The following HMCN2 variants were observed in gnomAD, a reference collection of about 807,000 sequenced individuals.
HMCN2 encodes the protein hemicentin 2.
Under a neutral mutation model 377.5 loss-of-function variants are expected in HMCN2, and 325 were observed. The observed-to-expected ratio is 0.86, with a 90% CI of 0.79 to 0.94. The LOEUF (loss-of-function observed/expected upper bound fraction) is 0.94, where lower values mean the gene tolerates loss of function less well. Among genes scored for constraint, HMCN2 ranks in the 40% least tolerant of loss-of-function variants. HMCN2 has a pLI of 0.00. For missense variants in HMCN2, 4,543 were observed against 4,725.3 expected, an observed-to-expected ratio of 0.96 and a Z score of 1.13; for synonymous variants, 2,007 against 2,046.8, an observed-to-expected ratio of 0.98 and a Z score of 0.53.
rs1842515372 is a variant in HMCN2 at position 130,394,717 on chromosome 9, C to T, written c.10692+142C>T. 4.4e-6 allele frequency: 3 copies of T among 686,460 alleles called. No individual in the cohort carries two copies. The Admixed American group carries it at 1.1e-4, about 25-fold the overall frequency. 42.5% of individuals were successfully genotyped at this position (686,460 alleles called of 1,614,324 possible). A position where few individuals can be genotyped will look rare whatever the true frequency, so the allele number is the denominator to read the frequency against. ...GGGGTGTGAGGGTGTGGAGGTGACC[C>T]ACCTTGGCCGTGCCCTTGGGAGCTG... On this transcript the variant is annotated intron_variant, in intron 69 of 97. Transcript: ENST00000683500. This position sits in a 1 kb window ranked among gnomAD's most constrained non-coding sequence, Gnocchi z 5.1.
At chr9:130,384,836 C>T (rs1204549082) in intron 59 of HMCN2, 38 bp downstream of exon 59, 1 of 1,213,778 alleles carries the variant, frequency 8.2e-7, no homozygotes, top group Non-Finnish European at 1.1e-6. Context: ...ACTGTCCCCA[C>T]TCCTTCAGTC....
At chr9:130,299,987 CTACCCATTCATGCATCCATCCACT>C (rs1564761992) in intron 8 of HMCN2, among the ~76,000 whole-genome samples, 2 of 151,322 alleles carry the variant, frequency 1.3e-5, no homozygotes, top group East Asian at 4.0e-4. Flanking sequence ...ACCCACCCAT[CTACCCATTCATGCATCCATCCACT>C]TACCCATTCA....
At chr9:130,326,977 C>G (rs1029000242) in intron 21 of HMCN2, among the ~76,000 whole-genome samples, 1 of 151,990 alleles carries the variant, frequency 6.6e-6, no homozygotes, top group Admixed American at 6.5e-5. Context: ...AGTTCAGAGC[C>G]TTTCAGAATG....
rs567848740 is a variant in HMCN2 at position 130,414,542 on chromosome 9, G to A, written c.12961+3890G>A. Among the ~76,000 whole-genome samples the A allele has an allele frequency of 1.5e-4, 23 of 151,800 alleles. 1 individual carries two copies. In the South Asian group the frequency reaches 4.8e-3, roughly 32 times the overall value. On this transcript the variant is annotated intron_variant, in intron 85 of 97. Coordinates refer to ENST00000683500, the MANE Select transcript of HMCN2 (RefSeq NM_001291815.2). This position sits in a 1 kb window ranked among gnomAD's most constrained non-coding sequence, Gnocchi z 4.4. Reference sequence around the variant, plus strand: ...AGCTCAACTTACACACCAGGAACAAGGAAAATCTCAATGAAAGCAGACAAC... The same window carrying A: ...AGCTCAACTTACACACCAGGAACAAAGAAAATCTCAATGAAAGCAGACAAC...
In HMCN2 at chr9:130,360,356, CCTTA is replaced by C; in HGVS notation, c.5774-68_5774-65del. 1.1e-6 allele frequency: 1 copy of C among 904,898 alleles called. No homozygotes were observed. The allele number at this position is 904,898 out of a possible 1,614,324, so 56.1% of individuals were successfully genotyped here. On this transcript the variant is annotated intron_variant, in intron 37 of 97. Coordinates refer to ENST00000683500, the MANE Select transcript of HMCN2 (RefSeq NM_001291815.2). This position sits in a 1 kb window ranked among gnomAD's most constrained non-coding sequence, Gnocchi z 4.7. Reference sequence around the variant, plus strand: ...CCCCTTGCATCTCTCTTCCTTTCCCCCTTACTTCTCTCTTCCATTCCCCCTTGCT... The same window carrying C: ...CCCCTTGCATCTCTCTTCCTTTCCCCCTTCTCTCTTCCATTCCCCCTTGCT...
Position 130,403,185 on chromosome 9 carries a change from C to A in HMCN2, c.11879-9C>A, listed in dbSNP as rs1301875798. On this transcript the variant is annotated splice_polypyrimidine_tract_variant and intron_variant, in intron 78 of 97. Transcript: ENST00000683500. ...TTCTCAGGGCCCTCTGCACCCCCGTCCTTTGTAGCCTCCCCGGTGGTGAAG... is the reference window on the plus strand; with the variant it reads ...TTCTCAGGGCCCTCTGCACCCCCGTACTTTGTAGCCTCCCCGGTGGTGAAG... 4 of 1,287,920 alleles carry A rather than the reference C, an allele frequency of 3.1e-6. No individual in the cohort carries two copies. Among genetic ancestry groups the A allele is most frequent in the Non-Finnish European group, 4.0e-6 (4 of 987,696 alleles). 79.8% of individuals were successfully genotyped at this position (1,287,920 alleles called of 1,614,324 possible). A position where few individuals can be genotyped will look rare whatever the true frequency, so the allele number is the denominator to read the frequency against.
intron 92 of HMCN2, 45 bp downstream of exon 92, chr9:130,427,664 C>T (rs1328202335): frequency 6.5e-7 from 1 of 1,527,940 alleles, no homozygotes; most frequent in Non-Finnish European, 8.8e-7. Context: ...CTCCTCAGAC[C>T]TGACCCAGGT....
At position 130,384,530 on chromosome 9, in the gene HMCN2, G is replaced by C; in HGVS notation, c.8988G>C (p.Leu2996=). The C allele has an allele frequency of 6.1e-6, 8 of 1,304,274 alleles. No individual in the cohort carries two copies. The highest frequency in any genetic ancestry group is 8.1e-6 in the Non-Finnish European group (8 of 988,956). 80.8% of individuals were successfully genotyped at this position (1,304,274 alleles called of 1,614,324 possible). A position where few individuals can be genotyped will look rare whatever the true frequency, so the allele number is the denominator to read the frequency against. ...ALSLGEEVFL[L]PGTHTLQLGR... is the part of the protein sequence containing the mutation. ...CCCTGGGTGAAGAGGTCTTCCTCCTGCCTGGTGGGTAAACTGAGGTGTCCG... is the reference window on the plus strand; with the variant it reads ...CCCTGGGTGAAGAGGTCTTCCTCCTCCCTGGTGGGTAAACTGAGGTGTCCG... Residue 2996 remains leucine (L), a synonymous_variant, in exon 58 of 98, where the codon CTG becomes CTC. Coordinates refer to ENST00000683500, the MANE Select transcript of HMCN2 (RefSeq NM_001291815.2).
chr9:130,344,778 TGTGTGTATG>T (rs1170152038), intron 25 of HMCN2, among the ~76,000 whole-genome samples: 1 of 149,248 alleles, frequency 6.7e-6, no homozygotes, highest in African/African-American at 2.5e-5. Context: ...GCATGGTGTT[TGTGTGTATG>T]GTGTGTAGCA....
At position 130,419,021 on chromosome 9, in the gene HMCN2, G is replaced by A. The variant is rs550921719; in HGVS notation, c.13211G>A (p.Arg4404Gln). 2.8e-5 allele frequency: 41 copies of A among 1,490,390 alleles called. No homozygotes were observed. The East Asian group carries it at 9.5e-4, about 34-fold the overall frequency. 92.3% of individuals were successfully genotyped at this position (1,490,390 alleles called of 1,614,324 possible). A position where few individuals can be genotyped will look rare whatever the true frequency, so the allele number is the denominator to read the frequency against. Residue 4404 changes from arginine to glutamine, a missense_variant, in exon 86 of 98, where the codon CGG (arginine) becomes CAG (glutamine). Arg to Gln is a conservative substitution (Grantham distance 43, BLOSUM62 1). Coordinates refer to ENST00000683500, the MANE Select transcript of HMCN2 (RefSeq NM_001291815.2). ...AHNLLGSATA[R>Q]AFLVVRGEPQ... The stretch of plus-strand genomic sequence containing the variant: ...AACCTCCTGGGCTCTGCCACAGCCC[G>A]GGCGTTCCTGGTCGTGAGAGGTATG...
At chr9:130,349,888 C>CTTTTTTTT in intron 29 of HMCN2, among the ~76,000 whole-genome samples, 1 of 91,306 alleles carries the variant, frequency 1.1e-5, no homozygotes. Context: ...TTAGCCTTTC[C>CTTTTTTTT]TTTTTTTTTT....
At chr9:130,374,848 C>T (rs1481455141) in intron 49 of HMCN2, among the ~76,000 whole-genome samples, 155 bp downstream of exon 49, 7 of 152,202 alleles carry the variant, frequency 4.6e-5, no homozygotes, top group Admixed American at 6.5e-5. Context: ...ACTCTATTGA[C>T]GGAACATTTA....
chr9:130,296,748 T>C lies in HMCN2; in HGVS notation c.966T>C (p.Thr322=). Residue 322 remains threonine (T), a synonymous_variant, in exon 7 of 98, where the codon ACT becomes ACC. Transcript: ENST00000683500. ...TTGACTTCCGAGCCGGCTTCTCCAC[T>C]CAGCCCTTGCTGGACCTCAACCACA... ...SNIDFRAGFS[T]QPLLDLNHTL... 2.1e-6 allele frequency: 1 copy of C among 471,162 alleles called. No individual in the cohort carries two copies. The highest frequency in any genetic ancestry group is 4.4e-6 in the Non-Finnish European group (1 of 227,046). 29.2% of individuals were successfully genotyped at this position (471,162 alleles called of 1,614,324 possible).
rs966464628 is a variant in HMCN2, at chr9:130,379,254, C to T, written c.8218C>T (p.Pro2740Ser). Residue 2740 changes from proline to serine, a missense_variant, in exon 54 of 98, where the codon CCC becomes TCC. Physicochemically the swap from Pro to Ser is moderately conservative, Grantham distance 74. Coordinates refer to ENST00000683500, the MANE Select transcript of HMCN2 (RefSeq NM_001291815.2). ...QDFNVLIQVP[P>S]MFQKVGDFSA... ...GCTTTGTCTCCCCCACCCAGTGCCC[C>T]CCATGTTCCAGAAGGTGGGTGATTT... The T allele has an allele frequency of 8.1e-6, 8 of 985,556 alleles. No individual in the cohort carries two copies. Among genetic ancestry groups the T allele is most frequent in the African/African-American group, 1.7e-5 (1 of 57,180 alleles). The allele number at this position is 985,556 out of a possible 1,614,324, so 61.1% of individuals were successfully genotyped here. A position where few individuals can be genotyped will look rare whatever the true frequency, so the allele number is the denominator to read the frequency against.
At chr9:130,378,902 T>C (rs1841545821) in intron 53 of HMCN2, among the ~76,000 whole-genome samples, 3 of 152,148 alleles carry the variant, frequency 2.0e-5, no homozygotes, top group Non-Finnish European at 2.9e-5. Flanking sequence ...CCTCCATTTC[T>C]AAAGCTGATG....
At chr9:130,433,193 G>A (rs1844866407) in intron 97 of HMCN2, 155 bp from the exon 98 acceptor site, 2 of 556,454 alleles carry the variant, frequency 3.6e-6, no homozygotes, top group African/African-American at 2.0e-5. Context: ...TAGCGTGGGA[G>A]CCTGCAGAGA....
At chr9:130,399,867 C>A (rs1842782170) in intron 76 of HMCN2, among the ~76,000 whole-genome samples, 1 of 152,192 alleles carries the variant, frequency 6.6e-6, no homozygotes, top group South Asian at 2.1e-4. Context: ...CCAGAATGTT[C>A]TAAACTCAAA....
At chr9:130,287,999 T>C (rs10988679) in intron 4 of HMCN2, among the ~76,000 whole-genome samples, 22,017 of 152,260 alleles carry the variant, frequency 0.14, 1,995 homozygotes, top group South Asian at 0.21. Context: ...TGCGACACTT[T>C]AGGCTTCATT....
intron 40 of HMCN2, among the ~76,000 whole-genome samples, chr9:130,363,697 C>T (rs1041775906): frequency 3.3e-5 from 5 of 151,762 alleles, no homozygotes; most frequent in Non-Finnish European, 5.9e-5. Flanking sequence ...GTGGTGCGTG[C>T]CTGTAGTCCC....
Sources: gnomAD v4.1 joint callset for allele counts (sites outside exome capture counted in the v4.1 genomes callset) on GRCh38, gnomAD v4.1.1 for gene constraint, Gnocchi (gnomAD v3.1) non-coding constraint, MANE v1.5 for transcripts, NCBI Gene and HGNC (gene_info 2026-07-23, HGNC 2026-07-21) for gene names.